Variants in SLURP1 observed in about 807,000 individuals in gnomAD.
SLURP1 encodes the protein secreted Ly-6/uPAR-related protein 1.
A neutral mutation model predicts 7.9 loss-of-function variants in SLURP1; 2 were observed. That is an observed-to-expected ratio of 0.25 (90% CI 0.10 to 0.79). The LOEUF (loss-of-function observed/expected upper bound fraction) is 0.79. Ranked by LOEUF, SLURP1 falls within the 30% of genes least tolerant of loss-of-function variation. SLURP1 has a pLI of 0.69. For missense variants in SLURP1, 111 were observed against 139.8 expected (o/e 0.79, Z 1.04); for synonymous variants, 59 against 54.9 (o/e 1.07, Z -0.33).
Position 142,741,231 on chromosome 8 carries a change from C to T in SLURP1, c.224G>A (p.Ser75Asn). The T allele has an allele frequency of 6.2e-7, 1 of 1,610,026 alleles. No individual in the cohort carries two copies. Among genetic ancestry groups the T allele is most frequent in the Non-Finnish European group, 8.5e-7 (1 of 1,179,644 alleles). The stretch of plus-strand genomic sequence containing the variant: ...GTCGGGGTCGGTGGCCACACAGGAG[C>T]TGGAGCAGGAGCGGGTCACCACGGG... The part of the protein sequence containing the change: ...QSPVVTRSCS[S>N]SCVATDPDSI... Residue 75 changes from serine to asparagine, a missense_variant, in exon 3 of 3, where the codon AGC becomes AAC. Transcript: ENST00000246515. This position sits in a 1 kb window ranked among gnomAD's most constrained non-coding sequence, Gnocchi z 4.3.
intron 1 of SLURP1, 127 bp downstream of exon 1, chr8:142,742,201 G>C: frequency 9.0e-7 from 1 of 1,106,598 alleles, no homozygotes. Context: ...CTGAGAATGA[G>C]GAGGGTGAGC....
At chr8:142,742,204 G>A in intron 1 of SLURP1, 124 bp downstream of exon 1, 2 of 1,116,082 alleles carry the variant, frequency 1.8e-6, no homozygotes, top group East Asian at 2.5e-5. Flanking sequence ...AGAATGAGGA[G>A]GGTGAGCCTC....
chr8:142,742,007 C>T (rs906920475), intron 1 of SLURP1, 85 bp from the exon 2 acceptor site: 13 of 1,584,976 alleles, frequency 8.2e-6, no homozygotes, highest in Admixed American at 1.7e-5. Flanking sequence ...GAAGGAGTCT[C>T]GCTGACATCT....
At position 142,742,045 on chromosome 8, in the gene SLURP1, G is replaced by A. The variant is rs114649196; in HGVS notation, c.59-123C>T. The A allele has an allele frequency of 2.6e-3, 3,854 of 1,463,766 alleles. 77 individuals carry two copies. In the African/African-American group the frequency reaches 0.044, roughly 17 times the overall value. 90.7% of individuals were successfully genotyped at this position (1,463,766 alleles called of 1,614,324 possible). On this transcript the variant is annotated intron_variant, in intron 1 of 2. Coordinates refer to ENST00000246515, the MANE Select transcript of SLURP1 (RefSeq NM_020427.3). ...CAAGGCCCCGGGCAGCCCTTCAAGG[G>A]GCCTCTCTGGCAGCTTTCTCTAACT...
chr8:142,741,058 A>G lies in SLURP1; in HGVS notation c.*85T>C. 6.3e-7 allele frequency: 1 copy of G among 1,580,080 alleles called. No homozygotes were observed. The highest frequency in any genetic ancestry group is 8.6e-7 in the Non-Finnish European group (1 of 1,164,228). ...AGTGAGCTGTGCCACAGCAGCAGGAAGCAGGGGGAGGTGATCACAGGTGGA... is the reference window on the plus strand; with the variant it reads ...AGTGAGCTGTGCCACAGCAGCAGGAGGCAGGGGGAGGTGATCACAGGTGGA... On this transcript the variant is annotated 3_prime_UTR_variant, in exon 3 of 3. Coordinates refer to ENST00000246515, the MANE Select transcript of SLURP1 (RefSeq NM_020427.3). The surrounding 1 kb of genome is among the most constrained non-coding windows in gnomAD (Gnocchi z 4.3).
chr8:142,741,299 A>C lies in SLURP1; in HGVS notation c.179-23T>G. On this transcript the variant is annotated intron_variant, in intron 2 of 2. Transcript: ENST00000246515. The surrounding 1 kb of genome is among the most constrained non-coding windows in gnomAD (Gnocchi z 4.3). ...ACTCTGCAGGGTGGGCCAGTGTCAG[A>C]ACCCTCACTCCCCTGCAGCGCCTGC... is the stretch of plus-strand genomic sequence containing the variant. 6.4e-7 allele frequency: 1 copy of C among 1,569,248 alleles called. No individual in the cohort carries two copies. The highest frequency in any genetic ancestry group is 8.6e-7 in the Non-Finnish European group (1 of 1,162,376).
At chr8:142,742,034 G>GC in intron 1 of SLURP1, 112 bp from the exon 2 acceptor site, 3 of 1,524,172 alleles carry the variant, frequency 2.0e-6, no homozygotes, top group East Asian at 4.8e-5. Context: ...GCCCCGGGCA[G>GC]CCCTTCAAGG....
In SLURP1 at chr8:142,741,525, C is replaced by T. The variant is rs1310707981; in HGVS notation, c.179-249G>A. Among the ~76,000 whole-genome samples the T allele has an allele frequency of 2.0e-5, 3 of 152,314 alleles. No individual in the cohort carries two copies. The highest frequency in any genetic ancestry group is 7.2e-5 in the African/African-American group (3 of 41,578). Reference sequence around the variant, plus strand: ...CCGAGCCCAGAGGCTGTGGCAACACCACCCAGTGGGTCTGTGTCAGAGCTG... The same window carrying T: ...CCGAGCCCAGAGGCTGTGGCAACACTACCCAGTGGGTCTGTGTCAGAGCTG... On this transcript the variant is annotated intron_variant, in intron 2 of 2. Transcript: ENST00000246515. The surrounding 1 kb of genome is among the most constrained non-coding windows in gnomAD (Gnocchi z 4.3).
In SLURP1 at chr8:142,741,668, A is replaced by G; in HGVS notation, c.178+135T>C. 1 of 1,407,906 alleles carries G rather than the reference A, an allele frequency of 7.1e-7. No homozygotes were observed. The highest frequency in any genetic ancestry group is 2.4e-5 in the East Asian group (1 of 42,226). The allele number at this position is 1,407,906 out of a possible 1,614,324, so 87.2% of individuals were successfully genotyped here. ...ACCCTCGTGGAAGGCACCCCTGCCA[A>G]GGTGTGGCAGCCTGTTCTGCCCATC... On this transcript the variant is annotated intron_variant, in intron 2 of 2. Coordinates refer to ENST00000246515, the MANE Select transcript of SLURP1 (RefSeq NM_020427.3). The surrounding 1 kb of genome is among the most constrained non-coding windows in gnomAD (Gnocchi z 4.3).
chr8:142,741,188 G>T lies in SLURP1; in HGVS notation c.267C>A (p.His89Gln). The T allele has an allele frequency of 6.2e-7, 1 of 1,609,600 alleles. No individual in the cohort carries two copies. The highest frequency in any genetic ancestry group is 8.5e-7 in the Non-Finnish European group (1 of 1,179,972). The change falls in exon 3 of 3, where the codon CAC becomes CAA. Residue 89 changes from histidine (H) to glutamine (Q), a missense_variant. Transcript: ENST00000246515. This position sits in a 1 kb window ranked among gnomAD's most constrained non-coding sequence, Gnocchi z 4.3. The part of the protein sequence containing the change: ...ATDPDSIGAA[H>Q]LIFCCFRDLC... ...GGTCTCGGAAGCAGCAGAAGATCAG[G>T]TGGGCGGCCCCGATGCTGTCGGGGT...
In SLURP1 at chr8:142,741,870, G is replaced by A. The variant is rs1324633355; in HGVS notation, c.111C>T (p.Cys37=). ...TCKEPMTSAS[C]RTITRCKPED... Reference sequence around the variant, plus strand: ...CTGGCTTGCAGCGGGTAATGGTCCTGCAGGAAGCACTGGTCATGGGCTCCT... The same window carrying A: ...CTGGCTTGCAGCGGGTAATGGTCCTACAGGAAGCACTGGTCATGGGCTCCT... Residue 37 remains cysteine, a synonymous_variant, in exon 2 of 3, where the codon TGC becomes TGT. Transcript: ENST00000246515. This position sits in a 1 kb window ranked among gnomAD's most constrained non-coding sequence, Gnocchi z 4.3. 1.2e-6 allele frequency: 2 copies of A among 1,613,254 alleles called. No homozygotes were observed. Among genetic ancestry groups the A allele is most frequent in the Non-Finnish European group, 8.5e-7 (1 of 1,180,004 alleles).
In SLURP1 at chr8:142,741,534, G is replaced by T. The variant is rs777870019; in HGVS notation, c.179-258C>A. On this transcript the variant is annotated intron_variant, in intron 2 of 2. Transcript: ENST00000246515. This position sits in a 1 kb window ranked among gnomAD's most constrained non-coding sequence, Gnocchi z 4.3. ...GAGGCTGTGGCAACACCACCCAGTG[G>T]GTCTGTGTCAGAGCTGGGGTTTGAG... Among the ~76,000 whole-genome samples the T allele has an allele frequency of 8.5e-5, 13 of 152,220 alleles. No homozygotes were observed. Among genetic ancestry groups the T allele is most frequent in the Middle Eastern group, 3.2e-3 (1 of 316 alleles).
Position 142,741,102 on chromosome 8 carries a change from G to C in SLURP1, c.*41C>G. The C allele has an allele frequency of 6.3e-7, 1 of 1,599,468 alleles. No individual in the cohort carries two copies. Among genetic ancestry groups the C allele is most frequent in the Non-Finnish European group, 8.5e-7 (1 of 1,179,800 alleles). Reference sequence around the variant, plus strand: ...AGGTGGAGCCAGGCCCCGTCAGAGAGGAGGTGCCTGAGGAGCACCTTCCGC... The same window carrying C: ...AGGTGGAGCCAGGCCCCGTCAGAGACGAGGTGCCTGAGGAGCACCTTCCGC... On this transcript the variant is annotated 3_prime_UTR_variant, in exon 3 of 3. Transcript: ENST00000246515. The surrounding 1 kb of genome is among the most constrained non-coding windows in gnomAD (Gnocchi z 4.3).
rs1224105719 is a variant in SLURP1, at chr8:142,741,769, G to A, written c.178+34C>T. ...CTTGGGGGAGGTGGCCCTGACTCCA[G>A]TGCACCCAGGGCTGCCGTGGGGCCT... On this transcript the variant is annotated intron_variant, in intron 2 of 2. Transcript: ENST00000246515. The surrounding 1 kb of genome is among the most constrained non-coding windows in gnomAD (Gnocchi z 4.3). 1 of 1,606,048 alleles carries A rather than the reference G, an allele frequency of 6.2e-7. No individual in the cohort carries two copies. Among genetic ancestry groups the A allele is most frequent in the Non-Finnish European group, 8.5e-7 (1 of 1,179,814 alleles).
chr8:142,740,975 G>T lies in SLURP1; in HGVS notation c.*168C>A, dbSNP rs191817335. On this transcript the variant is annotated 3_prime_UTR_variant, in exon 3 of 3. Transcript: ENST00000246515. ...CTTGGCTTAGTTATGTTTTATAAGC[G>T]TGGGGTATGGAAGGCAGAGGGCGCC... The T allele has an allele frequency of 1.1e-6, 1 of 896,326 alleles. No individual in the cohort carries two copies. Among genetic ancestry groups the T allele is most frequent in the Non-Finnish European group, 1.7e-6 (1 of 575,344 alleles). The allele number at this position is 896,326 out of a possible 1,614,324, so 55.5% of individuals were successfully genotyped here. A position where few individuals can be genotyped will look rare whatever the true frequency, so the allele number is the denominator to read the frequency against.
At position 142,741,898 on chromosome 8, in the gene SLURP1, CA is replaced by C. The variant is rs587776601; in HGVS notation, c.82del (p.Cys28AlafsTer5). ...GCGEALKCYT[C>X]KEPMTSASCR... is the part of the protein sequence containing the mutation. ...GGAAGCACTGGTCATGGGCTCCTTG[CA>C]GGTGTAGCACTTGAGGGCCTCACCT... On this transcript the variant is annotated frameshift_variant, in exon 2 of 3. Transcript: ENST00000246515. LOFTEE classifies it high-confidence loss of function. The surrounding 1 kb of genome is among the most constrained non-coding windows in gnomAD (Gnocchi z 4.3). 107 of 1,612,852 alleles carry C rather than the reference CA, an allele frequency of 6.6e-5. No homozygotes were observed. The highest frequency in any genetic ancestry group is 1.6e-4 in the Middle Eastern group (1 of 6,062).
Position 142,742,354 on chromosome 8 carries a change from A to T in SLURP1, c.32T>A (p.Leu11His). 2 of 1,612,978 alleles carry T rather than the reference A, an allele frequency of 1.2e-6. No homozygotes were observed. Among genetic ancestry groups the T allele is most frequent in the Non-Finnish European group, 1.7e-6 (2 of 1,180,024 alleles). The change falls in exon 1 of 3, where the codon CTC becomes CAC. Residue 11 changes from leucine to histidine, a missense_variant. Transcript: ENST00000246515. ...ACAGCCCATGCTCCAGGCTGCCACG[A>T]GCAGCAGCTGCACAGCCCAGCGAGA... MASRWAVQLL[L>H]VAAWSMGCGE...
At position 142,741,665 on chromosome 8, in the gene SLURP1, C is replaced by T; in HGVS notation, c.178+138G>A. 2 of 1,409,988 alleles carry T rather than the reference C, an allele frequency of 1.4e-6. No individual in the cohort carries two copies. The highest frequency in any genetic ancestry group is 9.8e-7 in the Non-Finnish European group (1 of 1,025,550). The allele number at this position is 1,409,988 out of a possible 1,614,324, so 87.3% of individuals were successfully genotyped here. A position where few individuals can be genotyped will look rare whatever the true frequency, so the allele number is the denominator to read the frequency against. On this transcript the variant is annotated intron_variant, in intron 2 of 2. Coordinates refer to ENST00000246515, the MANE Select transcript of SLURP1 (RefSeq NM_020427.3). This position sits in a 1 kb window ranked among gnomAD's most constrained non-coding sequence, Gnocchi z 4.3. ...GCCACCCTCGTGGAAGGCACCCCTG[C>T]CAAGGTGTGGCAGCCTGTTCTGCCC... is the stretch of plus-strand genomic sequence containing the variant.
Position 142,741,044 on chromosome 8 carries a change from C to T in SLURP1, c.*99G>A, listed in dbSNP as rs898812797. On this transcript the variant is annotated 3_prime_UTR_variant, in exon 3 of 3. Coordinates refer to ENST00000246515, the MANE Select transcript of SLURP1 (RefSeq NM_020427.3). This position sits in a 1 kb window ranked among gnomAD's most constrained non-coding sequence, Gnocchi z 4.3. ...CCTCAGACCCCATGAGTGAGCTGTG[C>T]CACAGCAGCAGGAAGCAGGGGGAGG... 2 of 1,560,852 alleles carry T rather than the reference C, an allele frequency of 1.3e-6. No homozygotes were observed. The highest frequency in any genetic ancestry group is 2.7e-5 in the African/African-American group (2 of 74,158).
Sources: allele counts gnomAD v4.1 joint callset (sites outside exome capture counted in the v4.1 genomes callset), GRCh38; gene constraint gnomAD v4.1.1; non-coding constraint Gnocchi (gnomAD v3.1); transcripts MANE v1.5; gene names NCBI Gene and HGNC (gene_info 2026-07-23, HGNC 2026-07-21).